KCNU1: variants seen among roughly 807,000 people sequenced by gnomAD.
KCNU1 encodes potassium channel subfamily U member 1.
KCNU1 carries 93 observed loss-of-function variants against 126.8 expected under a neutral mutation model. The observed-to-expected ratio is 0.73, with a 90% CI of 0.62 to 0.87. The LOEUF (loss-of-function observed/expected upper bound fraction) is 0.87, where lower values mean the gene tolerates loss of function less well. Among genes scored for constraint, KCNU1 ranks in the 40% least tolerant of loss-of-function variants. The pLI, the probability that KCNU1 is intolerant of heterozygous loss-of-function variation, is 0.00. For missense variants in KCNU1, 1,330 were observed against 1,367.1 expected, an observed-to-expected ratio of 0.97 and a Z score of 0.43; for synonymous variants, 523 against 494.2, an observed-to-expected ratio of 1.06 and a Z score of -0.77.
chr8:36,900,533 A>T (rs140260116), intron 19 of KCNU1, among the ~76,000 whole-genome samples: 1 of 152,182 alleles, frequency 6.6e-6, no homozygotes, highest in East Asian at 1.9e-4. Context: ...GGTGGGAAGC[A>T]CTGATTATGT....
At chr8:36,885,585 G>T (rs1471382569) in intron 19 of KCNU1, among the ~76,000 whole-genome samples, 1 of 151,886 alleles carries the variant, frequency 6.6e-6, no homozygotes, top group African/African-American at 2.4e-5. Context: ...CTGAAGTCAG[G>T]AGTTCGAGAC....
chr8:36,797,634 CT>C (rs201410162), intron 2 of KCNU1, among the ~76,000 whole-genome samples: 24,795 of 141,490 alleles, frequency 0.18, 2,128 homozygotes, highest in Admixed American at 0.3. Context: ...AATGTTTCTT[CT>C]TTTTTTTTTT....
chr8:36,872,758 G>T (rs547493559), intron 19 of KCNU1, among the ~76,000 whole-genome samples: 49 of 152,262 alleles, frequency 3.2e-4, no homozygotes, highest in Admixed American at 7.2e-4. Flanking sequence ...TTAAAATTCT[G>T]CATTTGTGCT....
chr8:36,858,485 A>C lies in KCNU1; in HGVS notation c.1892-5919A>C, dbSNP rs556204426. On this transcript the variant is annotated intron_variant, in intron 18 of 26. Coordinates refer to ENST00000399881, the MANE Select transcript of KCNU1 (RefSeq NM_001031836.3). ...ATATACTAAAAAGTATAATCTCACT[A>C]TACATGTCATCCTATTGTATGTAAA... 1.4e-4 allele frequency among the ~76,000 whole-genome samples: 22 copies of C among 152,292 alleles called. No homozygotes were observed. The South Asian group carries it at 4.6e-3, about 32-fold the overall frequency.
At position 36,845,838 on chromosome 8, in the gene KCNU1, G is replaced by A; in HGVS notation, c.1830G>A (p.Val610=). ...ACTGTTCAGTCTGTCATGATGATGT[G>A]TTCATTCCTGAGCTAATTACAAACT... ...LFYCSVCHDD[V]FIPELITNCG... is the part of the protein sequence containing the mutation. The change falls in exon 18 of 27, where the codon GTG becomes GTA. Residue 610 remains valine (V), a synonymous_variant. Coordinates refer to ENST00000399881, the MANE Select transcript of KCNU1 (RefSeq NM_001031836.3). 1 of 1,610,226 alleles carries A rather than the reference G, an allele frequency of 6.2e-7. No homozygotes were observed. Among genetic ancestry groups the A allele is most frequent in the South Asian group, 1.1e-5 (1 of 90,442 alleles).
intron 16 of KCNU1, among the ~76,000 whole-genome samples, chr8:36,844,774 AAAGGAGAACTTCCGT>A (rs1434644087): frequency 6.6e-6 from 1 of 152,186 alleles, no homozygotes; most frequent in Non-Finnish European, 1.5e-5. Context: ...TTAAAGGAGG[AAAGGAGAACTTCCGT>A]TCTGCAAAAA....
chr8:36,819,519 A>T (rs1384426777), intron 10 of KCNU1, among the ~76,000 whole-genome samples: 1 of 152,082 alleles, frequency 6.6e-6, no homozygotes, highest in African/African-American at 2.4e-5. Flanking sequence ...TGTTTCTACC[A>T]TTTATTCTCC....
rs193198637 is a variant in KCNU1, at chr8:36,912,860, C to T, written c.2521+1741C>T. Among the ~76,000 whole-genome samples, 85 of 140,416 alleles carry T rather than the reference C, an allele frequency of 6.1e-4. 1 individual carries two copies. The East Asian group carries it at 0.018, about 30-fold the overall frequency. The allele number at this position is 140,416 out of a possible 152,430, so 92.1% of individuals were successfully genotyped here. A position where few individuals can be genotyped will look rare whatever the true frequency, so the allele number is the denominator to read the frequency against. On this transcript the variant is annotated intron_variant, in intron 22 of 26. Transcript: ENST00000399881. ...GCGCACGCCTGTAATCCCAGCTACTCGGGAGGCTGAGGCATGAAAATCCCT... is the reference window on the plus strand; with the variant it reads ...GCGCACGCCTGTAATCCCAGCTACTTGGGAGGCTGAGGCATGAAAATCCCT...
At chr8:36,867,942 T>C (rs1303920633) in intron 19 of KCNU1, among the ~76,000 whole-genome samples, 1 of 152,132 alleles carries the variant, frequency 6.6e-6, no homozygotes, top group African/African-American at 2.4e-5. Flanking sequence ...GACCAGAGAT[T>C]GTGATAGTAA....
chr8:36,928,990 A>G, intron 24 of KCNU1: 1 of 699,652 alleles, frequency 1.4e-6, no homozygotes. Context: ...AAGAAAACAG[A>G]ATTTAGCAAT....
At chr8:36,902,236 G>A (rs1807447659) in intron 19 of KCNU1, among the ~76,000 whole-genome samples, 1 of 152,088 alleles carries the variant, frequency 6.6e-6, no homozygotes, top group African/African-American at 2.4e-5. Context: ...ACATTAGAAT[G>A]AAGAAAAATG....
chr8:36,867,809 A>G (rs977295426), intron 19 of KCNU1, among the ~76,000 whole-genome samples: 1 of 152,180 alleles, frequency 6.6e-6, no homozygotes, highest in African/African-American at 2.4e-5. Flanking sequence ...AATAAACAAG[A>G]AAATGGTTTA....
chr8:36,887,152 G>A (rs1806737756), intron 19 of KCNU1, among the ~76,000 whole-genome samples: 2 of 152,018 alleles, frequency 1.3e-5, no homozygotes, highest in Admixed American at 1.3e-4. Flanking sequence ...TATTGCCTTT[G>A]GGTAGATACC....
intron 19 of KCNU1, 27 bp downstream of exon 19, chr8:36,864,548 C>T (rs1732787571): frequency 4.4e-6 from 6 of 1,350,112 alleles, no homozygotes; most frequent in African/African-American, 1.4e-5. Flanking sequence ...ACCCTGGTCT[C>T]CTATAGTTTT....
Position 36,845,903 on chromosome 8 carries a change from A to T in KCNU1, c.1891+4A>T, listed in dbSNP as rs1216823530. The T allele has an allele frequency of 6.4e-7, 1 of 1,556,926 alleles. No homozygotes were observed. The highest frequency in any genetic ancestry group is 8.8e-7 in the Non-Finnish European group (1 of 1,138,008). Reference sequence around the variant, plus strand: ...AGAAGCCGGCAGCACATCACAGGTAATTGCACTTTATTTCTGGCTGTCCTT... The same window carrying T: ...AGAAGCCGGCAGCACATCACAGGTATTTGCACTTTATTTCTGGCTGTCCTT... On this transcript the variant is annotated splice_donor_region_variant and intron_variant, in intron 18 of 26. Transcript: ENST00000399881.
At chr8:36,933,098 C>A (rs1808751745) in intron 26 of KCNU1, 66 bp downstream of exon 26, 2 of 1,006,392 alleles carry the variant, frequency 2.0e-6, no homozygotes, top group African/African-American at 1.6e-5. Flanking sequence ...CTACTTTATT[C>A]AATGTGAAAG....
At chr8:36,867,897 T>G (rs987884380) in intron 19 of KCNU1, among the ~76,000 whole-genome samples, 16 of 152,100 alleles carry the variant, frequency 1.1e-4, no homozygotes, top group Admixed American at 2.6e-4. Context: ...CTATTTCTGG[T>G]TGGGGATCCC....
In KCNU1 at chr8:36,814,382, A is replaced by C. The variant is rs1298350576; in HGVS notation, c.903+5A>C. 1 of 1,588,398 alleles carries C rather than the reference A, an allele frequency of 6.3e-7. No homozygotes were observed. The highest frequency in any genetic ancestry group is 8.6e-7 in the Non-Finnish European group (1 of 1,163,966). On this transcript the variant is annotated splice_donor_5th_base_variant and intron_variant, in intron 8 of 26. Transcript: ENST00000399881. ...TTCTTCACACTGGGGAGTTTGGTGA[A>C]GAATATTTTTAATATATTTTGAATA...
At chr8:36,794,138 C>A (rs1803008204) in intron 2 of KCNU1, among the ~76,000 whole-genome samples, 1 of 150,372 alleles carries the variant, frequency 6.7e-6, no homozygotes, top group African/African-American at 2.4e-5. Context: ...AAGCAAGTCA[C>A]AGGTCATTTT....
Sources: allele counts gnomAD v4.1 joint callset (sites outside exome capture counted in the v4.1 genomes callset), GRCh38; gene constraint gnomAD v4.1.1; transcripts MANE v1.5; gene names NCBI Gene and HGNC (gene_info 2026-07-23, HGNC 2026-07-21).